Variants in RTL4 observed in about 807,000 individuals in gnomAD.
RTL4 encodes the protein retrotransposon Gag like 4.
RTL4 carries 4 observed loss-of-function variants against 5.3 expected under a neutral mutation model. The observed-to-expected ratio is 0.75, with a 90% CI of 0.37 to 1.72. The LOEUF (loss-of-function observed/expected upper bound fraction) is 1.72, where lower values mean the gene tolerates loss of function less well. RTL4 is among the 40% of genes most tolerant of loss of function. The pLI is 0.04. For missense variants in RTL4, 260 were observed against 227.1 expected (o/e 1.14, Z -0.93); for synonymous variants, 98 against 87.3 (o/e 1.12, Z -0.68).
chrX:112,257,885 A>ATG, the RTL4 span, among the ~76,000 whole-genome samples: 7 of 104,285 alleles, frequency 6.7e-5, no homozygotes, highest in Non-Finnish European at 1.2e-4. Flanking sequence ...ATATATATAT[A>ATG]TGTGTATATA....
At chrX:112,404,797 C>T in the RTL4 span, among the ~76,000 whole-genome samples, 2 of 112,333 alleles carry the variant, frequency 1.8e-5, no homozygotes, top group African/African-American at 3.2e-5. Flanking sequence ...GCTGATTTTC[C>T]GTGACATTTT....
chrX:112,097,990 G>T, the RTL4 span, among the ~76,000 whole-genome samples: 2 of 111,393 alleles, frequency 1.8e-5, no homozygotes, highest in East Asian at 2.9e-4. Context: ...TTAAGTTTTA[G>T]GGTACATGTG....
At chrX:112,253,057 C>T in the RTL4 span, among the ~76,000 whole-genome samples, 4 of 111,556 alleles carry the variant, frequency 3.6e-5, no homozygotes, top group African/African-American at 6.5e-5. Context: ...GATATGAAAA[C>T]GTTTTGAACC....
the RTL4 span, among the ~76,000 whole-genome samples, chrX:112,083,136 C>T: frequency 8.9e-6 from 1 of 111,811 alleles, no homozygotes; most frequent in African/African-American, 3.3e-5. Flanking sequence ...TTTTCTGTCT[C>T]GTTTGTTTGC....
the RTL4 span, among the ~76,000 whole-genome samples, chrX:112,149,278 A>G: frequency 1.2e-4 from 13 of 111,715 alleles, no homozygotes; most frequent in African/African-American, 4.2e-4. Context: ...TTTGAGGGAA[A>G]TAGACAATAA....
the RTL4 span, among the ~76,000 whole-genome samples, chrX:112,402,020 T>C: frequency 8.9e-6 from 1 of 112,179 alleles, no homozygotes; most frequent in Admixed American, 9.4e-5. Flanking sequence ...TCTGCCCCCA[T>C]ACCTGCTGTT....
chrX:112,350,379 A>C, the RTL4 span, among the ~76,000 whole-genome samples: 80 of 108,715 alleles, frequency 7.4e-4, no homozygotes, highest in African/African-American at 1.6e-3. Flanking sequence ...CTGGCCTCAT[A>C]AAATGAGTTA....
chrX:112,381,023 C>T, the RTL4 span, among the ~76,000 whole-genome samples: 1 of 111,108 alleles, frequency 9.0e-6, no homozygotes, highest in Non-Finnish European at 1.9e-5. Flanking sequence ...GTAGCCGAGG[C>T]GGTTAAACAG....
the RTL4 span, among the ~76,000 whole-genome samples, chrX:112,086,094 G>T: frequency 8.9e-6 from 1 of 112,109 alleles, no homozygotes; most frequent in South Asian, 3.8e-4. Flanking sequence ...TTTCTGGATT[G>T]AATCCAACCT....
chrX:112,174,054 CT>C, the RTL4 span, among the ~76,000 whole-genome samples: 1,933 of 81,443 alleles, frequency 0.024, 21 homozygotes, highest in African/African-American at 0.036. Context: ...ATTTTCGTTT[CT>C]TTTTTTTTTT....
the RTL4 span, among the ~76,000 whole-genome samples, chrX:112,136,835 C>A: frequency 9.0e-6 from 1 of 111,482 alleles, no homozygotes; most frequent in African/African-American, 3.3e-5. Flanking sequence ...AGTTTTATAC[C>A]AGTATGGCAT....
the RTL4 span, among the ~76,000 whole-genome samples, chrX:112,129,935 A>G: frequency 8.9e-6 from 1 of 112,271 alleles, no homozygotes; most frequent in Non-Finnish European, 1.9e-5. Flanking sequence ...GATTATTCTG[A>G]CAACAGATAT....
At chrX:112,368,181 G>T in the RTL4 span, among the ~76,000 whole-genome samples, 1 of 111,567 alleles carries the variant, frequency 9.0e-6, no homozygotes, top group Non-Finnish European at 1.9e-5. Context: ...AGTATGGTTG[G>T]GTGGCTGTTT....
the RTL4 span, among the ~76,000 whole-genome samples, chrX:112,328,405 CAAAG>C: frequency 9.0e-6 from 1 of 111,141 alleles, no homozygotes; most frequent in Admixed American, 9.6e-5. Context: ...TCAAAAGAGA[CAAAG>C]AAGGCCATTA....
At chrX:112,189,806 A>G in the RTL4 span, among the ~76,000 whole-genome samples, 1 of 111,510 alleles carries the variant, frequency 9.0e-6, no homozygotes, top group African/African-American at 3.3e-5. Context: ...GGTCATCTGA[A>G]ATGCTGTGAT....
chrX:112,246,903 C>T, the RTL4 span, among the ~76,000 whole-genome samples: 3 of 111,852 alleles, frequency 2.7e-5, no homozygotes, highest in Non-Finnish European at 3.8e-5. Flanking sequence ...GAAGGTAAAG[C>T]TAAATGGATG....
the RTL4 span, among the ~76,000 whole-genome samples, chrX:112,168,939 T>TTTTC: frequency 0.034 from 3,124 of 91,851 alleles, 155 homozygotes; most frequent in African/African-American, 0.11. Flanking sequence ...CTTTCTTTCT[T>TTTTC]TTTCTTTCTT....
the RTL4 span, among the ~76,000 whole-genome samples, chrX:112,337,074 G>A: frequency 9.0e-6 from 1 of 111,516 alleles, no homozygotes; most frequent in East Asian, 2.8e-4. Context: ...GGCCAGATTT[G>A]ATCTGTGGGC....
At chrX:112,378,876 A>G in the RTL4 span, among the ~76,000 whole-genome samples, 1 of 112,458 alleles carries the variant, frequency 8.9e-6, no homozygotes. Flanking sequence ...CCATCCCTCA[A>G]GGAAACCAGC....
Sources: gnomAD v4.1 joint callset for allele counts (sites outside exome capture counted in the v4.1 genomes callset) on GRCh38, gnomAD v4.1.1 for gene constraint, MANE v1.5 for transcripts, NCBI Gene and HGNC (gene_info 2026-07-23, HGNC 2026-07-21) for gene names.